Variants in ZNF497 observed in about 807,000 individuals in gnomAD.
The protein encoded by ZNF497 is zinc finger-like protein.
For missense variants in ZNF497, 930 were observed against 714.0 expected, an observed-to-expected ratio of 1.30 and a Z score of -3.45; for synonymous variants, 422 against 313.7, an observed-to-expected ratio of 1.35 and a Z score of -3.65.
chr19:58,360,930 T>C (rs923314393), intron 1 of ZNF497, among the ~76,000 whole-genome samples: 5 of 151,840 alleles, frequency 3.3e-5, no homozygotes, highest in South Asian at 2.1e-4. Context: ...TACAGGCGCC[T>C]GCCACCATGC....
intron 1 of ZNF497, among the ~76,000 whole-genome samples, chr19:58,360,767 CTTTTTTTTTTTTTTTTTTTTT>C (rs551580074): frequency 1.7e-4 from 6 of 34,530 alleles, no homozygotes; most frequent in South Asian, 1.2e-3. Context: ...GTCCCGAACT[CTTTTTTTTTTTTTTTTTTTTT>C]TTTTTTTTTT....
rs1159510028 is a variant in ZNF497 at position 58,354,545 on chromosome 19, A to G, written c.*1594T>C. Reference sequence around the variant, plus strand: ...TGCAGAGCGATTGCAGAGCTCATAGACGTGATGAAGACCAGCTGGGCACTG... The same window carrying G: ...TGCAGAGCGATTGCAGAGCTCATAGGCGTGATGAAGACCAGCTGGGCACTG... On this transcript the variant is annotated 3_prime_UTR_variant, in exon 3 of 3. Transcript: ENST00000311044. 6.6e-6 allele frequency: 1 copy of G among 152,322 alleles called. No individual in the cohort carries two copies. The highest frequency in any genetic ancestry group is 1.5e-5 in the Non-Finnish European group (1 of 68,136). 9.4% of individuals were successfully genotyped at this position (152,322 alleles called of 1,614,324 possible). A position where few individuals can be genotyped will look rare whatever the true frequency, so the allele number is the denominator to read the frequency against.
Position 58,356,823 on chromosome 19 carries a change from T to TGCGCCCGC in ZNF497, c.805_812dup (p.Pro273AlafsTer105). The TGCGCCCGC allele has an allele frequency of 6.5e-7, 1 of 1,543,608 alleles. No homozygotes were observed. The highest frequency in any genetic ancestry group is 8.7e-7 in the Non-Finnish European group (1 of 1,151,232). ...CGCAGTCGGGACAGGCGTGTGGCCG[T>TGCGCCCGC]GCGCCCGCGTGGATCTTCAGGTGCT... On this transcript the variant is annotated frameshift_variant, in exon 3 of 3. Coordinates refer to ENST00000311044, the MANE Select transcript of ZNF497 (RefSeq NM_198458.3).
Position 58,357,077 on chromosome 19 carries a change from G to T in ZNF497, c.559C>A (p.Leu187Met). 1 of 1,608,734 alleles carries T rather than the reference G, an allele frequency of 6.2e-7. No individual in the cohort carries two copies. The highest frequency in any genetic ancestry group is 1.1e-5 in the South Asian group (1 of 90,862). Residue 187 changes from leucine (L) to methionine (M), a missense_variant, in exon 3 of 3, where the codon CTG (leucine) becomes ATG (methionine). By Grantham distance (15) the Leu-to-Met change is conservative (BLOSUM62 2). Transcript: ENST00000311044. ...CAGTCCGGGCAGCGGAAGGGCTTCA[G>T]GCCGCTGTGTGTCTCCTGGTGGTGG... ...LIHHQETHSG[L>M]KPFRCPDCGK...
chr19:58,358,721 TG>T (rs11332731), intron 1 of ZNF497, 136 bp from the exon 2 acceptor site: 218,943 of 472,540 alleles, frequency 0.46, 55,139 homozygotes, highest in East Asian at 0.73. Flanking sequence ...CACACAGGTG[TG>T]GACTGGAGAT....
In ZNF497 at chr19:58,356,590, C is replaced by A; in HGVS notation, c.1046G>T (p.Arg349Leu). 6.5e-7 allele frequency: 1 copy of A among 1,546,450 alleles called. No homozygotes were observed. Among genetic ancestry groups the A allele is most frequent in the Non-Finnish European group, 8.7e-7 (1 of 1,150,770 alleles). Residue 349 changes from arginine to leucine, a missense_variant, in exon 3 of 3, where the codon CGG (arginine) becomes CTG (leucine). By Grantham distance (102) the Arg-to-Leu change is moderately radical. Coordinates refer to ENST00000311044, the MANE Select transcript of ZNF497 (RefSeq NM_198458.3). The stretch of plus-strand genomic sequence containing the variant: ...AGGCTTCTCGCCCGTGTGCACGCGC[C>A]GGTGCTCCGCCAGGTAGGAGCCCAT... ...FVMGSYLAEH[R>L]RVHTGEKPHA...
rs535118402 is a variant in ZNF497 at position 58,357,606 on chromosome 19, C to G, written c.30G>C (p.Gln10His). 1 of 1,549,260 alleles carries G rather than the reference C, an allele frequency of 6.5e-7. No homozygotes were observed. Among genetic ancestry groups the G allele is most frequent in the South Asian group, 1.2e-5 (1 of 80,662 alleles). ...GGACCTGGCCTTCCTCTGGGGCCAC[C>G]TGCAGGGTCCACCCTCTTGGGGACT... MESPRGWTL[Q>H]VAPEEGQVLC... Residue 10 changes from glutamine to histidine, a missense_variant, in exon 3 of 3, where the codon CAG becomes CAC. Transcript: ENST00000311044.
At position 58,356,289 on chromosome 19, in the gene ZNF497, C is replaced by A; in HGVS notation, c.1347G>T (p.Lys449Asn). The change falls in exon 3 of 3, where the codon AAG (lysine) becomes AAT (asparagine). Residue 449 changes from lysine (K) to asparagine (N), a missense_variant. By Grantham distance (94) the Lys-to-Asn change is moderately conservative (BLOSUM62 0). Transcript: ENST00000311044. The stretch of plus-strand genomic sequence containing the variant: ...AGAGCTCCGACTTGCGCACGAAGGC[C>A]TTGCTGCAGTGGGCGCAGACGAACG... Reference protein sequence around the residue: ...ERPFVCAHCSKAFVRKSELLS... With the variant: ...ERPFVCAHCSNAFVRKSELLS... 1.3e-6 allele frequency: 2 copies of A among 1,595,336 alleles called. No individual in the cohort carries two copies. The highest frequency in any genetic ancestry group is 1.7e-6 in the Non-Finnish European group (2 of 1,172,184).
intron 1 of ZNF497, 168 bp downstream of exon 1, chr19:58,362,509 C>T (rs936287135): frequency 6.6e-6 from 1 of 152,056 alleles, no homozygotes; most frequent in Non-Finnish European, 1.5e-5. Flanking sequence ...GCCTCTGGCC[C>T]GTGCAGGGCC....
chr19:58,357,029 T>G lies in ZNF497; in HGVS notation c.607A>C (p.Thr203Pro). 1 of 1,604,066 alleles carries G rather than the reference T, an allele frequency of 6.2e-7. No homozygotes were observed. The highest frequency in any genetic ancestry group is 8.5e-7 in the Non-Finnish European group (1 of 1,177,614). Reference sequence around the variant, plus strand: ...GTGCGTCGGTGCTGCACCAGCGTGGTGCTTCGGCCGAAGGACTTGCCGCAG... The same window carrying G: ...GTGCGTCGGTGCTGCACCAGCGTGGGGCTTCGGCCGAAGGACTTGCCGCAG... The part of the protein sequence containing the change: ...PDCGKSFGRS[T>P]TLVQHRRTHT... Residue 203 changes from threonine (T) to proline (P), a missense_variant, in exon 3 of 3, where the codon ACC becomes CCC. Coordinates refer to ENST00000311044, the MANE Select transcript of ZNF497 (RefSeq NM_198458.3).
chr19:58,360,437 C>T (rs1022539305), intron 1 of ZNF497, among the ~76,000 whole-genome samples: 15 of 151,962 alleles, frequency 9.9e-5, no homozygotes, highest in Non-Finnish European at 2.2e-4. Flanking sequence ...GGTGCAATCT[C>T]ATCTCCCAGG....
In ZNF497 at chr19:58,356,701, C is replaced by T. The variant is rs1317634809; in HGVS notation, c.935G>A (p.Arg312His). 6 of 1,564,112 alleles carry T rather than the reference C, an allele frequency of 3.8e-6. No homozygotes were observed. Among genetic ancestry groups the T allele is most frequent in the Middle Eastern group, 3.4e-4 (2 of 5,806 alleles). ...GTGCTGCAGGAGCTGCGAGCTCTCGCGGAAAGCCTTTCCGCACTCGGCGCA... is the reference window on the plus strand; with the variant it reads ...GTGCTGCAGGAGCTGCGAGCTCTCGTGGAAAGCCTTTCCGCACTCGGCGCA... ...FPCAECGKAF[R>H]ESSQLLQHQR... is the part of the protein sequence containing the mutation. Residue 312 changes from arginine (R) to histidine (H), a missense_variant, in exon 3 of 3, where the codon CGC becomes CAC. By Grantham distance (29) the Arg-to-His change is conservative. Coordinates refer to ENST00000311044, the MANE Select transcript of ZNF497 (RefSeq NM_198458.3).
In ZNF497 at chr19:58,357,065, G is replaced by A. The variant is rs573474414; in HGVS notation, c.571C>T (p.Arg191Cys). 4.2e-5 allele frequency: 67 copies of A among 1,610,628 alleles called. No individual in the cohort carries two copies. The South Asian group carries it at 6.7e-4, about 16-fold the overall frequency. ...QETHSGLKPF[R>C]CPDCGKSFGR... ...AAGGACTTGCCGCAGTCCGGGCAGC[G>A]GAAGGGCTTCAGGCCGCTGTGTGTC... Residue 191 changes from arginine (R) to cysteine (C), a missense_variant, in exon 3 of 3, where the codon CGC (arginine) becomes TGC (cysteine). Coordinates refer to ENST00000311044, the MANE Select transcript of ZNF497 (RefSeq NM_198458.3).
Position 58,356,611 on chromosome 19 carries a change from C to A in ZNF497, c.1025G>T (p.Gly342Val). 1 of 1,540,794 alleles carries A rather than the reference C, an allele frequency of 6.5e-7. No homozygotes were observed. Among genetic ancestry groups the A allele is most frequent in the Non-Finnish European group, 8.7e-7 (1 of 1,149,000 alleles). Residue 342 changes from glycine to valine, a missense_variant, in exon 3 of 3, where the codon GGC becomes GTC. Gly to Val is a moderately radical substitution (Grantham distance 109, BLOSUM62 -3). Coordinates refer to ENST00000311044, the MANE Select transcript of ZNF497 (RefSeq NM_198458.3). Reference protein sequence around the residue: ...CAECGQAFVMGSYLAEHRRVH... With the variant: ...CAECGQAFVMVSYLAEHRRVH... ...GCGCCGGTGCTCCGCCAGGTAGGAG[C>A]CCATGACGAAAGCCTGGCCGCACTC...
chr19:58,356,278 C>G lies in ZNF497; in HGVS notation c.1358G>C (p.Arg453Pro), dbSNP rs138638462. 4.4e-6 allele frequency: 7 copies of G among 1,588,600 alleles called. No homozygotes were observed. The highest frequency in any genetic ancestry group is 1.8e-5 in the Admixed American group (1 of 56,836). ...CCGGTGGCTTAAGAGCTCCGACTTG[C>G]GCACGAAGGCCTTGCTGCAGTGGGC... ...VCAHCSKAFVRKSELLSHRRT... is the reference protein window; with the variant it reads ...VCAHCSKAFVPKSELLSHRRT... Residue 453 changes from arginine to proline, a missense_variant, in exon 3 of 3, where the codon CGC becomes CCC. By Grantham distance (103) the Arg-to-Pro change is moderately radical (BLOSUM62 -2). Transcript: ENST00000311044.
rs571996461 is a variant in ZNF497 at position 58,357,401 on chromosome 19, C to A, written c.235G>T (p.Gly79Cys). 5.3e-5 allele frequency: 85 copies of A among 1,597,770 alleles called. 1 individual carries two copies. In the East Asian group the frequency reaches 1.9e-3, roughly 36 times the overall value. Residue 79 changes from glycine (G) to cysteine (C), a missense_variant, in exon 3 of 3, where the codon GGT becomes TGT. Physicochemically the swap from Gly to Cys is radical, Grantham distance 159. Transcript: ENST00000311044. ...GPGRELGPAD[G>C]GRDGAGPRSE... ...CTGGGCCCAGCCCCGTCCCGCCCAC[C>A]GTCTGCGGGGCCCAGCTCCCTGCCG...
At chr19:58,361,257 G>A (rs566634453) in intron 1 of ZNF497, among the ~76,000 whole-genome samples, 46 of 152,354 alleles carry the variant, frequency 3.0e-4, no homozygotes, top group Non-Finnish European at 6.0e-4. Context: ...GGGGAGCAGA[G>A]GTAGGAGGGA....
rs745311435 is a variant in ZNF497 at position 58,356,907 on chromosome 19, C to G, written c.729G>C (p.Ala243=). ...FLEHRRVHTG[A]RPHACRDCGK... is the part of the protein sequence containing the mutation. ...CACAGTCCCGGCAGGCGTGCGGCCGCGCGCCCGTGTGCACGCGCCGGTGCT... is the reference window on the plus strand; with the variant it reads ...CACAGTCCCGGCAGGCGTGCGGCCGGGCGCCCGTGTGCACGCGCCGGTGCT... The change falls in exon 3 of 3, where the codon GCG becomes GCC. Residue 243 remains alanine (A), a synonymous_variant. Coordinates refer to ENST00000311044, the MANE Select transcript of ZNF497 (RefSeq NM_198458.3). The G allele has an allele frequency of 1.3e-6, 2 of 1,590,780 alleles. No homozygotes were observed. The highest frequency in any genetic ancestry group is 2.7e-5 in the African/African-American group (2 of 74,022).
intron 1 of ZNF497, chr19:58,358,838 T>G (rs1171685489): frequency 4.4e-6 from 2 of 457,158 alleles, no homozygotes; most frequent in Non-Finnish European, 8.8e-6. Context: ...CTGGCCCCAG[T>G]GCTGGCTCAG....
Sources: gnomAD v4.1 joint callset for allele counts (sites outside exome capture counted in the v4.1 genomes callset) on GRCh38, gnomAD v4.1.1 for gene constraint, MANE v1.5 for transcripts, NCBI Gene and HGNC (gene_info 2026-07-23, HGNC 2026-07-21) for gene names.